The following DPP8 variants were observed in gnomAD, a reference collection of about 807,000 sequenced individuals.
DPP8 encodes dipeptidyl peptidase 8.
Under a neutral mutation model 107.5 loss-of-function variants are expected in DPP8, and 31 were observed. The ratio of observed to expected loss-of-function variants is 0.29; its 90% confidence interval spans 0.22 to 0.39. The LOEUF (loss-of-function observed/expected upper bound fraction) is 0.39. Among genes scored for constraint, DPP8 ranks in the 10% least tolerant of loss-of-function variants. DPP8 has a pLI of 1.00. For missense variants in DPP8, 842 were observed against 1,076.1 expected, an observed-to-expected ratio of 0.78 and a Z score of 3.04; for synonymous variants, 381 against 356.6, an observed-to-expected ratio of 1.07 and a Z score of -0.77.
chr15:65,488,381 G>C (rs2067643979), intron 6 of DPP8, among the ~76,000 whole-genome samples: 1 of 151,808 alleles, frequency 6.6e-6, no homozygotes, highest in Admixed American at 6.6e-5. Context: ...GTCATAATCA[G>C]TATTTTTTAA....
intron 5 of DPP8, 108 bp downstream of exon 5, chr15:65,497,756 C>G (rs2068754174): frequency 2.2e-5 from 20 of 888,944 alleles, no homozygotes; most frequent in Non-Finnish European, 3.2e-5. Flanking sequence ...ACTTGAATTT[C>G]AAATATAAAG....
intron 19 of DPP8, among the ~76,000 whole-genome samples, chr15:65,447,228 G>C (rs1363155204): frequency 1.3e-5 from 2 of 152,052 alleles, no homozygotes; most frequent in Non-Finnish European, 2.9e-5. Flanking sequence ...CCAATGGTTT[G>C]TTCTCTAAGT....
Position 65,487,794 on chromosome 15 carries a change from C to T in DPP8, c.851G>A (p.Arg284Lys), listed in dbSNP as rs551740987. ...TTCATCATTTTCTTCATATAGAATT[C>T]TAAGAATTTTACCACCACTGGGAGC... ...ETTPSGGKIL[R>K]ILYEENDESE... is the part of the protein sequence containing the mutation. Residue 284 changes from arginine (R) to lysine (K), a missense_variant, in exon 7 of 20, where the codon AGA becomes AAA. By Grantham distance (26) the Arg-to-Lys change is conservative (BLOSUM62 2). Around this residue, in one of 2 missense-constraint regions of DPP8, gnomAD observed 663 missense variants for 758.0 expected, o/e 0.87. Coordinates refer to ENST00000300141, the MANE Select transcript of DPP8 (RefSeq NM_130434.5). 3.7e-5 allele frequency: 59 copies of T among 1,573,744 alleles called. No individual in the cohort carries two copies. The African/African-American group carries it at 6.9e-4, about 18-fold the overall frequency.
intron 3 of DPP8, among the ~76,000 whole-genome samples, chr15:65,504,280 T>G (rs2069642567): frequency 6.6e-6 from 1 of 151,258 alleles, no homozygotes; most frequent in South Asian, 2.1e-4. Context: ...GGAGAATCCC[T>G]TGAACCCAGG....
chr15:65,448,883 T>C (rs1489287519), intron 19 of DPP8, among the ~76,000 whole-genome samples: 1 of 51,820 alleles, frequency 1.9e-5, no homozygotes, highest in Non-Finnish European at 4.0e-5. Context: ...TATATATATA[T>C]ATATATATAT....
Position 65,474,301 on chromosome 15 carries a change from A to G in DPP8, c.1457-13T>C, listed in dbSNP as rs2066186596. The G allele has an allele frequency of 1.3e-6, 2 of 1,539,886 alleles. No homozygotes were observed. Among genetic ancestry groups the G allele is most frequent in the African/African-American group, 1.4e-5 (1 of 73,410 alleles). On this transcript the variant is annotated splice_polypyrimidine_tract_variant and intron_variant, in intron 11 of 19. Coordinates refer to ENST00000300141, the MANE Select transcript of DPP8 (RefSeq NM_130434.5). ...CACTTGAAATCACCTGAAGATAAAT[A>G]TAATTATAATTCAGTACATTATACC...
At chr15:65,478,037 C>T (rs910496812) in intron 11 of DPP8, among the ~76,000 whole-genome samples, 2 of 151,996 alleles carry the variant, frequency 1.3e-5, no homozygotes, top group African/African-American at 2.4e-5. Flanking sequence ...GCATCCATTC[C>T]GTATTATATT....
rs1334809075 is a variant in DPP8 at position 65,448,909 on chromosome 15, T to A, written c.2527-1903A>T. Among the ~76,000 whole-genome samples the A allele has an allele frequency of 8.0e-5, 7 of 87,842 alleles. 1 individual carries two copies. The highest frequency in any genetic ancestry group is 3.1e-4 in the African/African-American group (7 of 22,838). 57.6% of individuals were successfully genotyped at this position (87,842 alleles called of 152,430 possible). A position where few individuals can be genotyped will look rare whatever the true frequency, so the allele number is the denominator to read the frequency against. ...ATATATATATATATATATATATATATATATATATATATATTTAGCCTGGGT... is the reference window on the plus strand; with the variant it reads ...ATATATATATATATATATATATATAAATATATATATATATTTAGCCTGGGT... On this transcript the variant is annotated intron_variant, in intron 19 of 19. Coordinates refer to ENST00000300141, the MANE Select transcript of DPP8 (RefSeq NM_130434.5).
In DPP8 at chr15:65,447,025, T is replaced by C. The variant is rs780996826; in HGVS notation, c.2527-19A>G. On this transcript the variant is annotated intron_variant, in intron 19 of 19. Coordinates refer to ENST00000300141, the MANE Select transcript of DPP8 (RefSeq NM_130434.5). ...GATAGATCTTACCAACAACAAAAAA[T>C]AAAGATACAAAAAAAAAAAAGAATT... The C allele has an allele frequency of 8.2e-6, 12 of 1,468,874 alleles. No homozygotes were observed. The highest frequency in any genetic ancestry group is 9.9e-6 in the Non-Finnish European group (11 of 1,115,648). The allele number at this position is 1,468,874 out of a possible 1,614,324, so 91.0% of individuals were successfully genotyped here. A position where few individuals can be genotyped will look rare whatever the true frequency, so the allele number is the denominator to read the frequency against.
At chr15:65,462,526 G>C (rs975037698) in intron 15 of DPP8, among the ~76,000 whole-genome samples, 3 of 152,062 alleles carry the variant, frequency 2.0e-5, no homozygotes, top group Non-Finnish European at 4.4e-5. Context: ...CTCAGTGTAG[G>C]ATATATAATC....
intron 8 of DPP8, 83 bp downstream of exon 8, chr15:65,485,016 T>TA (rs370050891): frequency 1.4e-4 from 154 of 1,119,156 alleles, no homozygotes; most frequent in Non-Finnish European, 2.0e-4. Flanking sequence ...AGTCCAAAAA[T>TA]AAAAAAGTGT....
rs2066929030 is a variant in DPP8 at position 65,481,597 on chromosome 15, T to C, written c.1036A>G (p.Lys346Glu). Residue 346 changes from lysine to glutamate, a missense_variant, in exon 9 of 20, where the codon AAG becomes GAG. By Grantham distance (56) the Lys-to-Glu change is moderately conservative. Transcript: ENST00000300141. ...ATCTCAAAAGGTTGAATTAGTTCCT[T>C]ATCTATGACATCTATGATCTATTAA... ...AEGRIIDVID[K>E]ELIQPFEILF... 6.4e-7 allele frequency: 1 copy of C among 1,552,040 alleles called. No homozygotes were observed. The highest frequency in any genetic ancestry group is 1.2e-5 in the South Asian group (1 of 84,608).
chr15:65,464,203 A>G (rs900950904), intron 14 of DPP8, among the ~76,000 whole-genome samples: 2 of 152,066 alleles, frequency 1.3e-5, no homozygotes, highest in Non-Finnish European at 2.9e-5. Context: ...CTCTACTAAA[A>G]ATACAAAAAA....
chr15:65,451,212 C>G, intron 18 of DPP8, 102 bp from the exon 19 acceptor site: 1 of 701,062 alleles, frequency 1.4e-6, no homozygotes, highest in South Asian at 1.7e-5. Flanking sequence ...CTTCCTTATA[C>G]TGTAATGTTA....
chr15:65,488,904 G>C (rs558697159), intron 6 of DPP8, among the ~76,000 whole-genome samples: 6 of 152,236 alleles, frequency 3.9e-5, no homozygotes, highest in African/African-American at 1.4e-4. Flanking sequence ...TTGGTCATCT[G>C]TTTAACAGAC....
At chr15:65,504,046 G>A (rs2069602345) in intron 3 of DPP8, among the ~76,000 whole-genome samples, 1 of 151,958 alleles carries the variant, frequency 6.6e-6, no homozygotes, top group Non-Finnish European at 1.5e-5. Flanking sequence ...ACAGGCATCA[G>A]CTACTGTGCC....
rs187130530 is a variant in DPP8 at position 65,476,942 on chromosome 15, A to G, written c.1456+1938T>C. Reference sequence around the variant, plus strand: ...TATGCTACGTAAACAAGCCAGTCAAAAAAGGACAAAAACTGTATGACTCCA... The same window carrying G: ...TATGCTACGTAAACAAGCCAGTCAAGAAAGGACAAAAACTGTATGACTCCA... On this transcript the variant is annotated intron_variant, in intron 11 of 19. Coordinates refer to ENST00000300141, the MANE Select transcript of DPP8 (RefSeq NM_130434.5). Among the ~76,000 whole-genome samples, 7 of 152,370 alleles carry G rather than the reference A, an allele frequency of 4.6e-5. No homozygotes were observed. The East Asian group carries it at 1.3e-3, about 29-fold the overall frequency.
At chr15:65,489,206 G>A (rs914139045) in intron 6 of DPP8, among the ~76,000 whole-genome samples, 7 of 151,892 alleles carry the variant, frequency 4.6e-5, no homozygotes, top group South Asian at 2.1e-4. Flanking sequence ...TGATCCGCCC[G>A]CCTTGGCCTC....
chr15:65,503,114 A>AT (rs1271285805), intron 3 of DPP8, among the ~76,000 whole-genome samples: 10 of 152,078 alleles, frequency 6.6e-5, no homozygotes, highest in Non-Finnish European at 1.5e-4. Context: ...AATTATTATT[A>AT]TTATTTTTTT....
Sources: allele counts gnomAD v4.1 joint callset (sites outside exome capture counted in the v4.1 genomes callset), GRCh38; gene constraint gnomAD v4.1.1; regional missense constraint gnomAD v4.1.1; transcripts MANE v1.5; gene names NCBI Gene and HGNC (gene_info 2026-07-23, HGNC 2026-07-21).